CRTC1: variants seen among roughly 807,000 people sequenced by gnomAD.
CRTC1 encodes CREB regulated transcription coactivator 1.
A neutral mutation model predicts 66.1 loss-of-function variants in CRTC1; 18 were observed. The observed-to-expected ratio is 0.27, with a 90% CI of 0.19 to 0.40. The LOEUF (loss-of-function observed/expected upper bound fraction) is 0.40. Among genes scored for constraint, CRTC1 ranks in the 10% least tolerant of loss-of-function variants. CRTC1 has a pLI of 1.00. For missense variants in CRTC1, 669 were observed against 887.9 expected, an observed-to-expected ratio of 0.75 and a Z score of 3.13; for synonymous variants, 416 against 398.8, an observed-to-expected ratio of 1.04 and a Z score of -0.51.
chr19:18,762,446 C>T (rs1269704850), intron 8 of CRTC1, among the ~76,000 whole-genome samples: 1 of 152,226 alleles, frequency 6.6e-6, no homozygotes, highest in Non-Finnish European at 1.5e-5. Context: ...CGAAGGTGGC[C>T]CCCTCCCTCC....
In CRTC1 at chr19:18,777,571, G is replaced by A. The variant is rs2055020909; in HGVS notation, c.*189G>A. 1 of 580,046 alleles carries A rather than the reference G, an allele frequency of 1.7e-6. No individual in the cohort carries two copies. The highest frequency in any genetic ancestry group is 2.0e-5 in the African/African-American group (1 of 50,148). The allele number at this position is 580,046 out of a possible 1,614,324, so 35.9% of individuals were successfully genotyped here. A position where few individuals can be genotyped will look rare whatever the true frequency, so the allele number is the denominator to read the frequency against. On this transcript the variant is annotated 3_prime_UTR_variant, in exon 14 of 14. Transcript: ENST00000321949. This position sits in a 1 kb window ranked among gnomAD's most constrained non-coding sequence, Gnocchi z 5.5. ...AGCCCAATCGCGAGGCCGCGAGCCG[G>A]GCCGTCCACCCACCCGCCCGCCCAG... is the stretch of plus-strand genomic sequence containing the variant.
chr19:18,712,942 G>A (rs1201276676), intron 1 of CRTC1, among the ~76,000 whole-genome samples: 4 of 151,480 alleles, frequency 2.6e-5, no homozygotes, highest in Non-Finnish European at 4.4e-5. Flanking sequence ...GCTGGGTGAC[G>A]GAGCAAGACT....
chr19:18,748,501 T>G (rs550295124), intron 4 of CRTC1, among the ~76,000 whole-genome samples: 4 of 141,954 alleles, frequency 2.8e-5, no homozygotes, highest in African/African-American at 1.0e-4. Context: ...TTACAGGACA[T>G]GAGCCACTGT....
intron 1 of CRTC1, among the ~76,000 whole-genome samples, chr19:18,690,780 C>T (rs1018418556): frequency 3.3e-5 from 5 of 151,964 alleles, no homozygotes; most frequent in Admixed American, 6.6e-5. Flanking sequence ...AATCCCAGCA[C>T]TTTGGGAGGC....
At chr19:18,701,610 G>GT in intron 1 of CRTC1, among the ~76,000 whole-genome samples, 1 of 152,144 alleles carries the variant, frequency 6.6e-6, no homozygotes, top group South Asian at 2.1e-4. Flanking sequence ...TAGGATTTTT[G>GT]TTTTTTGTTT....
chr19:18,729,829 C>G (rs192861937), intron 1 of CRTC1, among the ~76,000 whole-genome samples: 2 of 152,294 alleles, frequency 1.3e-5, no homozygotes, highest in East Asian at 3.9e-4. Context: ...CCTGTGGCCT[C>G]CCCCAGAGGT....
At chr19:18,766,788 C>T (rs1193853499) in intron 9 of CRTC1, among the ~76,000 whole-genome samples, 1 of 152,158 alleles carries the variant, frequency 6.6e-6, no homozygotes, top group Non-Finnish European at 1.5e-5. Context: ...AGCAAAGTTC[C>T]CATTTTCATT....
intron 1 of CRTC1, among the ~76,000 whole-genome samples, chr19:18,739,539 T>G (rs1256802583): frequency 6.6e-6 from 1 of 152,236 alleles, no homozygotes; most frequent in African/African-American, 2.4e-5. Context: ...TGTTCACTTG[T>G]GGATTCCGCC....
chr19:18,722,361 T>A (rs941357989), intron 1 of CRTC1, among the ~76,000 whole-genome samples: 11 of 152,136 alleles, frequency 7.2e-5, no homozygotes, highest in Non-Finnish European at 1.3e-4. Flanking sequence ...TGCGCCCATG[T>A]CCTAAGTCCT....
At chr19:18,697,358 T>C (rs188413852) in intron 1 of CRTC1, among the ~76,000 whole-genome samples, 2 of 152,242 alleles carry the variant, frequency 1.3e-5, no homozygotes, top group South Asian at 2.1e-4. Context: ...CTCTTTTTTT[T>C]TGGAGTGCCG....
At chr19:18,698,105 T>A (rs7258722) in intron 1 of CRTC1, among the ~76,000 whole-genome samples, 79,123 of 151,592 alleles carry the variant, frequency 0.52, 22,501 homozygotes, top group East Asian at 0.86. Context: ...GTAGGTGCTC[T>A]GCAGGTGCAC....
At chr19:18,691,201 AAAAAGAAAAAG>A (rs1269861025) in intron 1 of CRTC1, among the ~76,000 whole-genome samples, 1 of 150,724 alleles carries the variant, frequency 6.6e-6, no homozygotes, top group Non-Finnish European at 1.5e-5. Context: ...CAAAAAAAAA[AAAAAGAAAAAG>A]AAAAAGGAAA....
chr19:18,699,745 G>A (rs376815948), intron 1 of CRTC1, among the ~76,000 whole-genome samples: 2 of 152,310 alleles, frequency 1.3e-5, no homozygotes, highest in Admixed American at 1.3e-4. Flanking sequence ...ATGCCTCGTG[G>A]GCCAGGGTGA....
rs545795686 is a variant in CRTC1, at chr19:18,780,308, C to T, written c.*2926C>T. The T allele has an allele frequency of 4.7e-5, 11 of 231,858 alleles. No homozygotes were observed. In the South Asian group the frequency reaches 2.0e-3, roughly 42 times the overall value. 14.4% of individuals were successfully genotyped at this position (231,858 alleles called of 1,614,324 possible). A position where few individuals can be genotyped will look rare whatever the true frequency, so the allele number is the denominator to read the frequency against. On this transcript the variant is annotated 3_prime_UTR_variant, in exon 14 of 14. Coordinates refer to ENST00000321949, the MANE Select transcript of CRTC1 (RefSeq NM_015321.3). ...CCTACGGCGAAGTTCAGCCAGGGCT[C>T]TCCCTCCTGAGAGCATGGCGTCCCC... is the stretch of plus-strand genomic sequence containing the variant.
At chr19:18,700,507 TA>T (rs2053109407) in intron 1 of CRTC1, among the ~76,000 whole-genome samples, 1 of 151,716 alleles carries the variant, frequency 6.6e-6, no homozygotes, top group Non-Finnish European at 1.5e-5. Flanking sequence ...TTTTTTTTTT[TA>T]AATAAAAAAA....
rs1436960855 is a variant in CRTC1, at chr19:18,778,281, T to C, written c.*899T>C. The C allele has an allele frequency of 4.3e-6, 1 of 233,084 alleles. No individual in the cohort carries two copies. The highest frequency in any genetic ancestry group is 8.5e-6 in the Non-Finnish European group (1 of 117,998). 14.4% of individuals were successfully genotyped at this position (233,084 alleles called of 1,614,324 possible). On this transcript the variant is annotated 3_prime_UTR_variant, in exon 14 of 14. Coordinates refer to ENST00000321949, the MANE Select transcript of CRTC1 (RefSeq NM_015321.3). Reference sequence around the variant, plus strand: ...ACAGGCAGAGGTGGCCAGGGGAGTTTCATTGTGGTTTTTTTTTCCTTTTAG... The same window carrying C: ...ACAGGCAGAGGTGGCCAGGGGAGTTCCATTGTGGTTTTTTTTTCCTTTTAG...
Position 18,779,217 on chromosome 19 carries a change from C to A in CRTC1, c.*1835C>A. 4.3e-6 allele frequency: 1 copy of A among 231,790 alleles called. No individual in the cohort carries two copies. The highest frequency in any genetic ancestry group is 8.5e-6 in the Non-Finnish European group (1 of 117,170). The allele number at this position is 231,790 out of a possible 1,614,324, so 14.4% of individuals were successfully genotyped here. On this transcript the variant is annotated 3_prime_UTR_variant, in exon 14 of 14. Coordinates refer to ENST00000321949, the MANE Select transcript of CRTC1 (RefSeq NM_015321.3). Reference sequence around the variant, plus strand: ...CTGCTGCTTTCACTGGGGTCCTGGGCACCCTGGCTTCTGTCCTCAGAGCTG... The same window carrying A: ...CTGCTGCTTTCACTGGGGTCCTGGGAACCCTGGCTTCTGTCCTCAGAGCTG...
chr19:18,734,438 A>C (rs374662916), intron 1 of CRTC1, among the ~76,000 whole-genome samples: 3 of 150,280 alleles, frequency 2.0e-5, no homozygotes, highest in African/African-American at 7.3e-5. Flanking sequence ...AGTGGCTTAC[A>C]CCTGTCATCC....
At position 18,683,695 on chromosome 19, in the gene CRTC1, G is replaced by T; in HGVS notation, c.-8G>T. 1 of 1,395,888 alleles carries T rather than the reference G, an allele frequency of 7.2e-7. No individual in the cohort carries two copies. The highest frequency in any genetic ancestry group is 9.5e-7 in the Non-Finnish European group (1 of 1,049,960). The allele number at this position is 1,395,888 out of a possible 1,614,324, so 86.5% of individuals were successfully genotyped here. A position where few individuals can be genotyped will look rare whatever the true frequency, so the allele number is the denominator to read the frequency against. ...GGAGGAGGAGGAGGAGGAGGTGGCG[G>T]CGAGAAGATGGCGACTTCGAACAAT... is the stretch of plus-strand genomic sequence containing the variant. On this transcript the variant is annotated 5_prime_UTR_variant, in exon 1 of 14. Transcript: ENST00000321949.
Sources: gnomAD v4.1 joint callset for allele counts (sites outside exome capture counted in the v4.1 genomes callset) on GRCh38, gnomAD v4.1.1 for gene constraint, Gnocchi (gnomAD v3.1) non-coding constraint, MANE v1.5 for transcripts, NCBI Gene and HGNC (gene_info 2026-07-23, HGNC 2026-07-21) for gene names.